The following TIA1 variants were observed in gnomAD, a reference collection of about 807,000 sequenced individuals.
TIA1 encodes the protein cytotoxic granule associated RNA binding protein TIA1.
TIA1 carries 23 observed loss-of-function variants against 65.9 expected under a neutral mutation model. The observed-to-expected ratio is 0.35, with a 90% CI of 0.25 to 0.49. TIA1 has a LOEUF of 0.49. Ranked by LOEUF, TIA1 falls within the 20% of genes least tolerant of loss-of-function variation. TIA1 has a pLI of 0.98. For synonymous variants in TIA1, 147 were observed against 149.4 expected (o/e 0.98, Z 0.12); for missense variants, 371 against 477.9 (o/e 0.78, Z 2.09).
Position 70,215,384 on chromosome 2 carries a change from T to C in TIA1, c.875A>G (p.Asn292Ser), listed in dbSNP as rs1397537724. The change falls in exon 11 of 13, where the codon AAT becomes AGT. Residue 292 changes from asparagine (N) to serine (S), a missense_variant. Asn to Ser is a conservative substitution (Grantham distance 46, BLOSUM62 1). Coordinates refer to ENST00000433529, the MANE Select transcript of TIA1 (RefSeq NM_022173.4). Reference sequence around the variant, plus strand: ...GAACCCTCTCACCTGTTGCACGGGATTTATCATATCAAGAGTTTCTTTGCC... The same window carrying C: ...GAACCCTCTCACCTGTTGCACGGGACTTATCATATCAAGAGTTTCTTTGCC... ...YWGKETLDMI[N>S]PVQQQNQIGY... 2 of 1,613,926 alleles carry C rather than the reference T, an allele frequency of 1.2e-6. No individual in the cohort carries two copies. The highest frequency in any genetic ancestry group is 1.7e-6 in the Non-Finnish European group (2 of 1,179,998).
chr2:70,218,450 G>A (rs879424531), intron 7 of TIA1, among the ~76,000 whole-genome samples: 8 of 151,944 alleles, frequency 5.3e-5, no homozygotes, highest in South Asian at 2.1e-4. Flanking sequence ...TCTTTTTTTC[G>A]AGATGGAGTC....
At chr2:70,221,979 C>A (rs746225705) in intron 7 of TIA1, among the ~76,000 whole-genome samples, 1 of 151,806 alleles carries the variant, frequency 6.6e-6, no homozygotes, top group Admixed American at 6.6e-5. Flanking sequence ...GGGGTTTTGC[C>A]ATTTTGCCCA....
chr2:70,221,198 G>C lies in TIA1; in HGVS notation c.474+3356C>G, dbSNP rs370257317. Among the ~76,000 whole-genome samples the C allele has an allele frequency of 6.5e-3, 990 of 151,924 alleles. 12 individuals are homozygous for C. Among genetic ancestry groups the C allele is most frequent in the African/African-American group, 0.023 (946 of 41,402 alleles). ...ATTTTTCTATTTTTAGTAGAGACGG[G>C]GTTTCACCATGTTGGTCAGGCTGGT... On this transcript the variant is annotated intron_variant, in intron 7 of 12. Transcript: ENST00000433529.
intron 1 of TIA1, among the ~76,000 whole-genome samples, chr2:70,247,418 C>G (rs1311564238): frequency 6.6e-6 from 1 of 152,154 alleles, no homozygotes; most frequent in African/African-American, 2.4e-5. Flanking sequence ...GCATGGAGCT[C>G]TCAAACTGCC....
intron 7 of TIA1, among the ~76,000 whole-genome samples, chr2:70,223,303 C>G (rs1358336653): frequency 6.6e-6 from 1 of 151,116 alleles, no homozygotes; most frequent in African/African-American, 2.4e-5. Context: ...TTTTGAGAAC[C>G]AAATAAATTC....
At chr2:70,225,220 A>G (rs1288764392) in intron 6 of TIA1, 1 of 1,087,770 alleles carries the variant, frequency 9.2e-7, no homozygotes, top group Non-Finnish European at 1.1e-6. Flanking sequence ...GCTAGACAAG[A>G]AAAGATTTTA....
At chr2:70,224,905 T>A in intron 6 of TIA1, 1 of 1,157,624 alleles carries the variant, frequency 8.6e-7, no homozygotes, top group South Asian at 2.8e-5. Context: ...ATATTAAGCA[T>A]GGTGAAAGCA....
At chr2:70,239,812 G>A (rs1690881325) in intron 1 of TIA1, among the ~76,000 whole-genome samples, 2 of 152,114 alleles carry the variant, frequency 1.3e-5, no homozygotes, top group Non-Finnish European at 2.9e-5. Context: ...ACCAGTATTG[G>A]GAGTTATTAC....
chr2:70,223,011 G>C lies in TIA1; in HGVS notation c.474+1543C>G, dbSNP rs1052572311. Reference sequence around the variant, plus strand: ...TGGCTAACTCCAGAGGCCATACACAGGTTATCAAGAGACATCCTTTGCTAT... The same window carrying C: ...TGGCTAACTCCAGAGGCCATACACACGTTATCAAGAGACATCCTTTGCTAT... On this transcript the variant is annotated intron_variant, in intron 7 of 12. Coordinates refer to ENST00000433529, the MANE Select transcript of TIA1 (RefSeq NM_022173.4). Among the ~76,000 whole-genome samples, 6 of 152,326 alleles carry C rather than the reference G, an allele frequency of 3.9e-5. No homozygotes were observed. In the Middle Eastern group the frequency reaches 0.014, roughly 345 times the overall value.
Position 70,215,422 on chromosome 2 carries a change from C to T in TIA1, c.837G>A (p.Val279=), listed in dbSNP as rs1276906285. ...VNGTTIEGHV[V]KCYWGKETLD... ...GAGTTTCTTTGCCCCAATAGCATTT[C>T]ACAACATGACCTTCAATGGTAGTAC... The change falls in exon 11 of 13, where the codon GTG becomes GTA. Residue 279 remains valine, a synonymous_variant. Transcript: ENST00000433529. The T allele has an allele frequency of 6.2e-7, 1 of 1,614,074 alleles. No homozygotes were observed. Among genetic ancestry groups the T allele is most frequent in the Non-Finnish European group, 8.5e-7 (1 of 1,179,992 alleles).
At chr2:70,219,766 A>G (rs1680391162) in intron 7 of TIA1, among the ~76,000 whole-genome samples, 4 of 131,098 alleles carry the variant, frequency 3.1e-5, no homozygotes, top group Non-Finnish European at 6.2e-5. Flanking sequence ...TTTAATGGAG[A>G]CAGGGTCTTG....
intron 12 of TIA1, among the ~76,000 whole-genome samples, chr2:70,213,374 C>A (rs13024392): frequency 0.28 from 40,114 of 145,422 alleles, 5,997 homozygotes; most frequent in East Asian, 0.38. Context: ...GACAGGTTTT[C>A]ATTGTGTCAC....
In TIA1 at chr2:70,229,311, T is replaced by G; in HGVS notation, c.230A>C (p.Lys77Thr). The G allele has an allele frequency of 6.2e-7, 1 of 1,607,654 alleles. No homozygotes were observed. The highest frequency in any genetic ancestry group is 8.5e-7 in the Non-Finnish European group (1 of 1,178,542). The change falls in exon 4 of 13, where the codon AAA becomes ACA. Residue 77 changes from lysine to threonine, a missense_variant. Coordinates refer to ENST00000433529, the MANE Select transcript of TIA1 (RefSeq NM_022173.4). Reference protein sequence around the residue: ...NGRKIMGKEVKVNWATTPSSQ... With the variant: ...NGRKIMGKEVTVNWATTPSSQ... ...GCTAGGGGTTGTTGCCCAATTCACT[T>G]TGACTTCCTAAAAAAAAAAAATTTC...
intron 7 of TIA1, among the ~76,000 whole-genome samples, chr2:70,221,389 G>C (rs1412818704): frequency 6.6e-6 from 1 of 151,964 alleles, no homozygotes. Flanking sequence ...AGGATGGATT[G>C]AGGCCAGGAG....
At chr2:70,229,115 T>C in intron 4 of TIA1, 24 bp from the exon 5 acceptor site, 1 of 1,613,304 alleles carries the variant, frequency 6.2e-7, no homozygotes, top group Non-Finnish European at 8.5e-7. Context: ...TTAGATTTGT[T>C]CTTAAATTTA....
In TIA1 at chr2:70,210,647, T is replaced by G. The variant is rs919286573; in HGVS notation, c.*2072A>C. 3 of 152,122 alleles carry G rather than the reference T, an allele frequency of 2.0e-5. No homozygotes were observed. Among genetic ancestry groups the G allele is most frequent in the Non-Finnish European group, 2.9e-5 (2 of 68,014 alleles). The allele number at this position is 152,122 out of a possible 1,614,324, so 9.4% of individuals were successfully genotyped here. A position where few individuals can be genotyped will look rare whatever the true frequency, so the allele number is the denominator to read the frequency against. On this transcript the variant is annotated 3_prime_UTR_variant, in exon 13 of 13. Transcript: ENST00000433529. ...TATGCCCAAATAATTTACCCTGCAG[T>G]CCATGAGATGCACAGGAAATAATTT... is the stretch of plus-strand genomic sequence containing the variant.
chr2:70,224,377 G>T, intron 7 of TIA1, 177 bp downstream of exon 7: 2 of 770,520 alleles, frequency 2.6e-6, no homozygotes, highest in Non-Finnish European at 2.0e-6. Context: ...TCAGTACTCT[G>T]CATGCCTCAG....
intron 5 of TIA1, 76 bp downstream of exon 5, chr2:70,228,960 TCCCGCCCCCCTCCCCCAAATATC>T: frequency 5.3e-6 from 1 of 187,490 alleles, no homozygotes; most frequent in Non-Finnish European, 7.6e-6. Flanking sequence ...TAATATCTCC[TCCCGCCCCCCTCCCCCAAATATC>T]AAACAAAAAA....
rs2103929513 is a variant in TIA1 at position 70,216,054 on chromosome 2, A to T, written c.764+154T>A. 4 of 760,238 alleles carry T rather than the reference A, an allele frequency of 5.3e-6. No homozygotes were observed. The East Asian group carries it at 1.2e-4, about 22-fold the overall frequency. The allele number at this position is 760,238 out of a possible 1,614,324, so 47.1% of individuals were successfully genotyped here. A position where few individuals can be genotyped will look rare whatever the true frequency, so the allele number is the denominator to read the frequency against. Reference sequence around the variant, plus strand: ...GGCGTGAGCCACCGCACCCGGCCAAAATTTCAACTTTTTTATAACCAAGGT... The same window carrying T: ...GGCGTGAGCCACCGCACCCGGCCAATATTTCAACTTTTTTATAACCAAGGT... On this transcript the variant is annotated intron_variant, in intron 10 of 12. Transcript: ENST00000433529.
Sources: gnomAD v4.1 joint callset for allele counts (sites outside exome capture counted in the v4.1 genomes callset) on GRCh38, gnomAD v4.1.1 for gene constraint, MANE v1.5 for transcripts, NCBI Gene and HGNC (gene_info 2026-07-23, HGNC 2026-07-21) for gene names.